FRMPD2: variants seen among roughly 807,000 people sequenced by gnomAD.
The protein encoded by FRMPD2 is FERM and PDZ domain containing 2, also known as FERM and PDZ domain-containing protein 2.
In FRMPD2, 96 loss-of-function variants were observed where a neutral mutation model predicts 140.1. The ratio of observed to expected loss-of-function variants is 0.69; its 90% CI spans 0.58 to 0.81. The LOEUF (loss-of-function observed/expected upper bound fraction) is 0.81. FRMPD2 is among the 40% of genes least tolerant of loss of function. The pLI is 0.00. For synonymous variants in FRMPD2, 449 were observed against 547.6 expected, an observed-to-expected ratio of 0.82 and a Z score of 2.52; for missense variants, 1,240 against 1,447.4, an observed-to-expected ratio of 0.86 and a Z score of 2.32.
chr10:48,239,765 G>A (rs1840060026), intron 6 of FRMPD2, 73 bp from the exon 7 acceptor site: 3 of 1,031,466 alleles, frequency 2.9e-6, no homozygotes, highest in African/African-American at 3.1e-5. Context: ...GCATCTCAGA[G>A]CATGAATGGC....
intron 12 of FRMPD2, among the ~76,000 whole-genome samples, chr10:48,219,420 C>T (rs1340603838): frequency 6.6e-6 from 1 of 152,052 alleles, no homozygotes; most frequent in African/African-American, 2.4e-5. Flanking sequence ...GTGGAGACTT[C>T]CCCTCCCTTG....
chr10:48,179,853 C>T (rs1159729731), intron 21 of FRMPD2, among the ~76,000 whole-genome samples: 2 of 152,212 alleles, frequency 1.3e-5, no homozygotes, highest in East Asian at 3.8e-4. Context: ...GAAGGGCATA[C>T]ACTCAGCCTG....
chr10:48,161,683 C>A lies in FRMPD2; in HGVS notation c.3881+1645G>T, dbSNP rs1200542611. Among the ~76,000 whole-genome samples the A allele has an allele frequency of 1.4e-4, 21 of 151,358 alleles. 1 individual carries two copies. Among genetic ancestry groups the A allele is most frequent in the African/African-American group, 4.9e-4 (20 of 40,930 alleles). ...ATAAAATGGGTCATTCAAGAGGTAG[C>A]AAGTTCTGCATCCCTGCAGATATTC... On this transcript the variant is annotated intron_variant, in intron 28 of 28. Coordinates refer to ENST00000374201, the MANE Select transcript of FRMPD2 (RefSeq NM_001018071.4).
At chr10:48,231,297 A>C (rs1221931957) in intron 10 of FRMPD2, among the ~76,000 whole-genome samples, 1 of 152,224 alleles carries the variant, frequency 6.6e-6, no homozygotes, top group Non-Finnish European at 1.5e-5. Context: ...TATGCCTATA[A>C]TGAAAAATAC....
At chr10:48,228,089 G>A (rs1367748572) in intron 10 of FRMPD2, among the ~76,000 whole-genome samples, 1 of 152,042 alleles carries the variant, frequency 6.6e-6, no homozygotes, top group Non-Finnish European at 1.5e-5. Flanking sequence ...GTTAAAAAAA[G>A]CCATATGTTT....
intron 20 of FRMPD2, 138 bp downstream of exon 20, chr10:48,184,428 G>T: frequency 1.6e-6 from 1 of 610,376 alleles, no homozygotes; most frequent in Non-Finnish European, 2.9e-6. Flanking sequence ...CCACTACACT[G>T]CTTCTTTGCA....
intron 3 of FRMPD2, among the ~76,000 whole-genome samples, chr10:48,247,329 T>C (rs935270828): frequency 8.5e-5 from 13 of 152,226 alleles, no homozygotes; most frequent in Admixed American, 7.9e-4. Context: ...CAAATCTGTG[T>C]TAGCTCAGGT....
Position 48,240,470 on chromosome 10 carries a change from T to C in FRMPD2, c.590A>G (p.Glu197Gly). 1 of 1,613,870 alleles carries C rather than the reference T, an allele frequency of 6.2e-7. No individual in the cohort carries two copies. Among genetic ancestry groups the C allele is most frequent in the Non-Finnish European group, 8.5e-7 (1 of 1,180,034 alleles). The change falls in exon 6 of 29, where the codon GAA (glutamate) becomes GGA (glycine). Residue 197 changes from glutamate (E) to glycine (G), a missense_variant. Glu to Gly is a moderately conservative substitution (Grantham distance 98). This residue lies in a region of FRMPD2 where 1,161 missense variants were observed against 1,055.9 expected (regional missense o/e 1.10). Coordinates refer to ENST00000374201, the MANE Select transcript of FRMPD2 (RefSeq NM_001018071.4). ...ISEVEKRVVE[E>G]SSSVQQNRSY... ...TCTGTTCTGCTGCACAGAGGAGCTTTCCTCCACAACTCTTTTCTCCACCTG... is the reference window on the plus strand; with the variant it reads ...TCTGTTCTGCTGCACAGAGGAGCTTCCCTCCACAACTCTTTTCTCCACCTG...
intron 9 of FRMPD2, among the ~76,000 whole-genome samples, chr10:48,233,446 A>T (rs1839900211): frequency 6.6e-6 from 1 of 152,088 alleles, no homozygotes; most frequent in Non-Finnish European, 1.5e-5. Context: ...TCCCAAGGTG[A>T]TTTTGCGAGA....
At chr10:48,269,013 A>G (rs888862668) in intron 1 of FRMPD2, among the ~76,000 whole-genome samples, 2 of 152,222 alleles carry the variant, frequency 1.3e-5, no homozygotes, top group South Asian at 2.1e-4. Context: ...GAGAAAATAT[A>G]TATAATGGCA....
chr10:48,194,735 G>A (rs192843355), intron 15 of FRMPD2, among the ~76,000 whole-genome samples: 1 of 152,198 alleles, frequency 6.6e-6, no homozygotes, highest in East Asian at 1.9e-4. Flanking sequence ...TGAGACCCTG[G>A]GTGTCAAGCA....
intron 10 of FRMPD2, 125 bp downstream of exon 10, chr10:48,231,990 T>A: frequency 1.3e-6 from 1 of 779,916 alleles, no homozygotes; most frequent in Admixed American, 2.1e-5. Flanking sequence ...GACTAATGTC[T>A]AGGCATACAA....
At chr10:48,232,772 GA>G (rs1216226047) in intron 9 of FRMPD2, among the ~76,000 whole-genome samples, 27 of 152,202 alleles carry the variant, frequency 1.8e-4, no homozygotes, top group African/African-American at 6.5e-4. Flanking sequence ...ATCCAATGAA[GA>G]GACAGAGCTG....
chr10:48,167,931 T>A (rs1838141541), intron 27 of FRMPD2, among the ~76,000 whole-genome samples: 1 of 146,692 alleles, frequency 6.8e-6, no homozygotes, highest in Non-Finnish European at 1.5e-5. Flanking sequence ...GGGCTTGATC[T>A]CCATCAATTA....
chr10:48,222,509 G>T, intron 11 of FRMPD2, 58 bp from the exon 12 acceptor site: 2 of 1,579,898 alleles, frequency 1.3e-6, no homozygotes, highest in African/African-American at 1.4e-5. Context: ...GAGAATGTTA[G>T]CACCAGTGGG....
chr10:48,222,729 G>A (rs925730121), intron 11 of FRMPD2, among the ~76,000 whole-genome samples: 3 of 152,140 alleles, frequency 2.0e-5, no homozygotes, highest in Admixed American at 2.0e-4. Context: ...TAACCAGTTC[G>A]GTGGTGTTTC....
At chr10:48,239,849 CAG>C (rs1840061905) in intron 6 of FRMPD2, among the ~76,000 whole-genome samples, 157 bp from the exon 7 acceptor site, 1 of 152,136 alleles carries the variant, frequency 6.6e-6, no homozygotes, top group Admixed American at 6.5e-5. Flanking sequence ...ATGTAGAAAA[CAG>C]AAATGACAGT....
intron 14 of FRMPD2, among the ~76,000 whole-genome samples, chr10:48,206,510 G>C (rs1376163969): frequency 1.3e-5 from 2 of 152,178 alleles, no homozygotes; most frequent in Non-Finnish European, 2.9e-5. Flanking sequence ...GGGATATGTG[G>C]AGGTCCAGGC....
chr10:48,241,112 C>G (rs144056910), intron 5 of FRMPD2, among the ~76,000 whole-genome samples: 1 of 152,286 alleles, frequency 6.6e-6, no homozygotes, highest in African/African-American at 2.4e-5. Flanking sequence ...CCATTTCCCC[C>G]ACCAAATCCT....
Sources: gnomAD v4.1 joint callset for allele counts (sites outside exome capture counted in the v4.1 genomes callset) on GRCh38, gnomAD v4.1.1 for gene constraint, gnomAD v4.1.1 regional missense constraint, MANE v1.5 for transcripts, NCBI Gene and HGNC (gene_info 2026-07-23, HGNC 2026-07-21) for gene names.